The following EFR3A variants were observed in gnomAD, a reference collection of about 807,000 sequenced individuals.
EFR3A encodes the protein EFR3 homolog A.
Under a neutral mutation model 104.4 loss-of-function variants are expected in EFR3A, and 76 were observed. The observed-to-expected ratio is 0.73, with a 90% confidence interval of 0.60 to 0.88. The LOEUF (loss-of-function observed/expected upper bound fraction) is 0.88. Among genes scored for constraint, EFR3A ranks in the 40% least tolerant of loss-of-function variants. The pLI, the probability that EFR3A is intolerant of heterozygous loss-of-function variation, is 0.00. For missense variants in EFR3A, 985 were observed against 1,012.5 expected, an observed-to-expected ratio of 0.97 and a Z score of 0.37; for synonymous variants, 330 against 330.0, an observed-to-expected ratio of 1.00 and a Z score of 0.00.
chr8:131,953,112 T>G (rs992770380), intron 5 of EFR3A, among the ~76,000 whole-genome samples: 5 of 152,212 alleles, frequency 3.3e-5, no homozygotes, highest in Non-Finnish European at 7.4e-5. Context: ...CTATAGATTT[T>G]TATTTTCTTT....
At chr8:131,929,713 G>A (rs1817488841) in intron 1 of EFR3A, among the ~76,000 whole-genome samples, 1 of 152,020 alleles carries the variant, frequency 6.6e-6, no homozygotes, top group Non-Finnish European at 1.5e-5. Context: ...CATGAGATTG[G>A]GTATTGTTTT....
intron 18 of EFR3A, among the ~76,000 whole-genome samples, chr8:131,994,160 G>A (rs565416154): frequency 1.3e-5 from 2 of 152,022 alleles, no homozygotes; most frequent in South Asian, 4.2e-4. Flanking sequence ...GGAGAATCAC[G>A]TGAGCCCAAG....
chr8:131,977,765 A>G (rs1563683916), intron 12 of EFR3A, among the ~76,000 whole-genome samples: 1 of 151,890 alleles, frequency 6.6e-6, no homozygotes, highest in Admixed American at 6.6e-5. Flanking sequence ...TGTATTTTTA[A>G]TTTTTTTTAA....
intron 21 of EFR3A, 49 bp from the exon 22 acceptor site, chr8:132,003,186 AT>A: frequency 7.2e-7 from 1 of 1,398,046 alleles, no homozygotes; most frequent in East Asian, 2.3e-5. Context: ...ATTATTATAT[AT>A]AGATACCTAG....
chr8:131,918,904 C>G (rs1254919384), intron 1 of EFR3A, among the ~76,000 whole-genome samples: 2 of 152,130 alleles, frequency 1.3e-5, no homozygotes, highest in African/African-American at 2.4e-5. Context: ...TTGTGAATTA[C>G]TTAGAGGACT....
chr8:131,984,306 C>T lies in EFR3A; in HGVS notation c.1737+6C>T, dbSNP rs752047290. 3 of 1,554,258 alleles carry T rather than the reference C, an allele frequency of 1.9e-6. No homozygotes were observed. Among genetic ancestry groups the T allele is most frequent in the Non-Finnish European group, 1.7e-6 (2 of 1,152,668 alleles). On this transcript the variant is annotated splice_donor_region_variant and intron_variant, in intron 15 of 22. Coordinates refer to ENST00000254624, the MANE Select transcript of EFR3A (RefSeq NM_015137.6). ...GACTGGCCATTGCTTTACAGGTATG[C>T]TTTCATAACCGTTCACTGCAGAAAA...
In EFR3A at chr8:131,914,141, G is replaced by A. The variant is rs115504606; in HGVS notation, c.10+9819G>A. Among the ~76,000 whole-genome samples, 1,304 of 152,208 alleles carry A rather than the reference G, an allele frequency of 8.6e-3. 23 individuals are homozygous for A. Among genetic ancestry groups the A allele is most frequent in the African/African-American group, 0.03 (1,231 of 41,540 alleles). ...CTGGCTCTAGAAGGGCATCTACAGT[G>A]GGGGGGACACTCCAGGCAAATGTAT... is the stretch of plus-strand genomic sequence containing the variant. On this transcript the variant is annotated intron_variant, in intron 1 of 22. Coordinates refer to ENST00000254624, the MANE Select transcript of EFR3A (RefSeq NM_015137.6).
intron 20 of EFR3A, 104 bp downstream of exon 20, chr8:132,001,911 C>G: frequency 1.0e-6 from 1 of 976,718 alleles, no homozygotes; most frequent in Non-Finnish European, 1.6e-6. Flanking sequence ...AAAAATAAAC[C>G]AAAGAAACTT....
intron 18 of EFR3A, 36 bp from the exon 19 acceptor site, chr8:131,996,370 C>G (rs748793244): frequency 2.3e-6 from 3 of 1,279,032 alleles, no homozygotes; most frequent in Non-Finnish European, 3.2e-6. Flanking sequence ...CATAACATTT[C>G]TAGCAAATAA....
chr8:131,908,100 G>A lies in EFR3A; in HGVS notation c.10+3778G>A, dbSNP rs756810325. ...TTTTGAGAGGGAGTCTCGCTCTGTC[G>A]CCCAGGCTGGAGTGCAGTGGTGAGA... On this transcript the variant is annotated intron_variant, in intron 1 of 22. Transcript: ENST00000254624. Among the ~76,000 whole-genome samples the A allele has an allele frequency of 6.0e-5, 9 of 151,180 alleles. No homozygotes were observed. In the South Asian group the frequency reaches 1.5e-3, roughly 25 times the overall value.
intron 1 of EFR3A, among the ~76,000 whole-genome samples, chr8:131,918,228 A>G (rs1480456300): frequency 6.6e-6 from 1 of 152,210 alleles, no homozygotes; most frequent in Non-Finnish European, 1.5e-5. Flanking sequence ...TGGAGGTTGC[A>G]GTGAGTTGAG....
chr8:131,969,285 A>G (rs1216035808), intron 9 of EFR3A, among the ~76,000 whole-genome samples: 2 of 152,252 alleles, frequency 1.3e-5, no homozygotes, highest in Admixed American at 6.5e-5. Context: ...AAGTGGAAAT[A>G]TATTATCTAA....
intron 5 of EFR3A, among the ~76,000 whole-genome samples, 198 bp downstream of exon 5, chr8:131,950,288 G>A (rs1818634304): frequency 6.6e-6 from 1 of 152,124 alleles, no homozygotes; most frequent in Non-Finnish European, 1.5e-5. Context: ...GGTCTTTACT[G>A]TAGCCTAGAA....
At chr8:131,953,671 A>T in intron 5 of EFR3A, 147 bp from the exon 6 acceptor site, 2 of 796,346 alleles carry the variant, frequency 2.5e-6, no homozygotes, top group Non-Finnish European at 3.5e-6. Context: ...TTTGAGATTT[A>T]CTTTCTTAGA....
chr8:131,968,318 C>T lies in EFR3A; in HGVS notation c.879C>T (p.Ile293=). 6.2e-7 allele frequency: 1 copy of T among 1,613,174 alleles called. No individual in the cohort carries two copies. Among genetic ancestry groups the T allele is most frequent in the Non-Finnish European group, 8.5e-7 (1 of 1,179,456 alleles). ...AGGCTCAGTATTCTCACCATGTGAT[C>T]CAGGAGATTCTAGGACACCTTGATG... ...SIQAQYSHHV[I]QEILGHLDAR... is the part of the protein sequence containing the mutation. Residue 293 remains isoleucine, a synonymous_variant, in exon 9 of 23, where the codon ATC becomes ATT. Transcript: ENST00000254624.
rs750110399 is a variant in EFR3A at position 132,003,285 on chromosome 8, G to A, written c.2360G>A (p.Arg787His). 2.9e-5 allele frequency: 47 copies of A among 1,611,074 alleles called. No homozygotes were observed. Among genetic ancestry groups the A allele is most frequent in the Admixed American group, 2.8e-4 (17 of 59,824 alleles). Reference sequence around the variant, plus strand: ...GCCCAAATATTGGAACTCACCATACGGTAAGGGTTTTGTTATCACAATAGC... The same window carrying A: ...GCCCAAATATTGGAACTCACCATACAGTAAGGGTTTTGTTATCACAATAGC... ...RLAQILELTI[R>H]PPPSPSGTLT... is the part of the protein sequence containing the mutation. Residue 787 changes from arginine (R) to histidine (H), a missense_variant and splice_region_variant, in exon 22 of 23, where the codon CGT becomes CAT. Transcript: ENST00000254624.
At chr8:131,940,287 C>G in intron 1 of EFR3A, 1 of 551,480 alleles carries the variant, frequency 1.8e-6, no homozygotes, top group Non-Finnish European at 3.2e-6. Context: ...TGCATGTTAC[C>G]TAAAAATTCT....
intron 10 of EFR3A, among the ~76,000 whole-genome samples, chr8:131,972,460 CTTT>C (rs574666777): frequency 7.1e-6 from 1 of 141,402 alleles, no homozygotes; most frequent in Non-Finnish European, 1.6e-5. Context: ...TTTAAATTTT[CTTT>C]TTTTTTTTTC....
At chr8:131,985,578 T>C (rs1055093987) in intron 16 of EFR3A, among the ~76,000 whole-genome samples, 13 of 152,236 alleles carry the variant, frequency 8.5e-5, no homozygotes, top group Non-Finnish European at 1.6e-4. Context: ...AAGTCCACTT[T>C]TAAAGACATC....
Sources: gnomAD v4.1 joint callset for allele counts (sites outside exome capture counted in the v4.1 genomes callset) on GRCh38, gnomAD v4.1.1 for gene constraint, MANE v1.5 for transcripts, NCBI Gene and HGNC (gene_info 2026-07-23, HGNC 2026-07-21) for gene names.